OR2V2: variants seen among roughly 807,000 people sequenced by gnomAD.
OR2V2 encodes the protein olfactory receptor family 2 subfamily V member 2, also known as olfactory receptor 2V2.
For missense variants in OR2V2, 392 were observed against 392.2 expected (o/e 1.00, Z 0.00); for synonymous variants, 161 against 151.3 (o/e 1.06, Z -0.47).
intron 1 of OR2V2, 56 bp downstream of exon 1, chr5:181,148,051 C>G (rs539438369): frequency 7.5e-6 from 3 of 399,030 alleles, no homozygotes; most frequent in African/African-American, 4.1e-5. Flanking sequence ...CTCCTGCTCC[C>G]GTTGCTGGTT....
rs1011487216 is a variant in OR2V2 at position 181,158,548 on chromosome 5, G to A, written c.*2658G>A. ...AGGCTGAGGCGGAAGGATTGCTTGA[G>A]CTTAGGAGGCTGAGGCTGCAATGAC... On this transcript the variant is annotated 3_prime_UTR_variant, in exon 2 of 2. Transcript: ENST00000641492. 1.3e-5 allele frequency: 2 copies of A among 152,140 alleles called. No individual in the cohort carries two copies. Among genetic ancestry groups the A allele is most frequent in the African/African-American group, 2.4e-5 (1 of 41,406 alleles). The allele number at this position is 152,140 out of a possible 1,614,324, so 9.4% of individuals were successfully genotyped here.
chr5:181,150,109 T>C (rs1325952130), intron 1 of OR2V2, among the ~76,000 whole-genome samples: 4 of 152,198 alleles, frequency 2.6e-5, no homozygotes, highest in Non-Finnish European at 5.9e-5. Flanking sequence ...AGTTTGCTTC[T>C]ATAGAAAACC....
rs895797712 is a variant in OR2V2, at chr5:181,157,182, T to C, written c.*1292T>C. ...TTTTCATGGAAAAAAAATATCTCCA[T>C]TGAAGGCGGAGAGAAAAGAGGCCAG... On this transcript the variant is annotated 3_prime_UTR_variant, in exon 2 of 2. Coordinates refer to ENST00000641492, the MANE Select transcript of OR2V2 (RefSeq NM_206880.2). 3 of 152,270 alleles carry C rather than the reference T, an allele frequency of 2.0e-5. No homozygotes were observed. Among genetic ancestry groups the C allele is most frequent in the Non-Finnish European group, 4.4e-5 (3 of 68,048 alleles). 9.4% of individuals were successfully genotyped at this position (152,270 alleles called of 1,614,324 possible).
chr5:181,155,563 G>A lies in OR2V2; in HGVS notation c.621G>A (p.Met207Ile). ...TGATATTTGCTTGCTGTGTCTTCAT[G>A]CTTCTCTTCCCATTCTCCATCATCG... The part of the protein sequence containing the change: ...EKVIFACCVF[M>I]LLFPFSIIVA... The change falls in exon 2 of 2, where the codon ATG (methionine) becomes ATA (isoleucine). Residue 207 changes from methionine (M) to isoleucine (I), a missense_variant. Transcript: ENST00000641492. 1 of 1,614,206 alleles carries A rather than the reference G, an allele frequency of 6.2e-7. No homozygotes were observed. The highest frequency in any genetic ancestry group is 8.5e-7 in the Non-Finnish European group (1 of 1,180,034).
intron 1 of OR2V2, among the ~76,000 whole-genome samples, chr5:181,150,372 G>C (rs980465073): frequency 1.3e-5 from 2 of 152,156 alleles, no homozygotes; most frequent in African/African-American, 4.8e-5. Context: ...GCAACTGTCT[G>C]GTATTTGAGC....
Position 181,156,039 on chromosome 5 carries a change from GTTCTTTCT to G in OR2V2, c.*176_*183del, listed in dbSNP as rs59712201. The G allele has an allele frequency of 8.2e-3, 4,044 of 495,262 alleles. 47 individuals carry two copies. The highest frequency in any genetic ancestry group is 0.038 in the African/African-American group (1,853 of 48,790). The allele number at this position is 495,262 out of a possible 1,614,324, so 30.7% of individuals were successfully genotyped here. ...GAAGGTCTTTTTAAACACTACATCA[GTTCTTTCT>G]TTCTTTCTTTCTTTCTTTCTTTCTT... On this transcript the variant is annotated 3_prime_UTR_variant, in exon 2 of 2. Coordinates refer to ENST00000641492, the MANE Select transcript of OR2V2 (RefSeq NM_206880.2).
chr5:181,159,000 G>T lies in OR2V2; in HGVS notation c.*3110G>T, dbSNP rs1273542480. Reference sequence around the variant, plus strand: ...ATTCCTATAATCCCAGCTGATAATGGGGAGGCCAAGGTGGGAGGATCACTT... The same window carrying T: ...ATTCCTATAATCCCAGCTGATAATGTGGAGGCCAAGGTGGGAGGATCACTT... On this transcript the variant is annotated 3_prime_UTR_variant, in exon 2 of 2. Coordinates refer to ENST00000641492, the MANE Select transcript of OR2V2 (RefSeq NM_206880.2). 1.3e-5 allele frequency: 2 copies of T among 152,014 alleles called. No homozygotes were observed. The highest frequency in any genetic ancestry group is 2.9e-5 in the Non-Finnish European group (2 of 67,984). 9.4% of individuals were successfully genotyped at this position (152,014 alleles called of 1,614,324 possible).
intron 1 of OR2V2, among the ~76,000 whole-genome samples, chr5:181,154,439 A>G (rs1329337503): frequency 1.3e-5 from 2 of 152,034 alleles, no homozygotes; most frequent in Non-Finnish European, 2.9e-5. Context: ...AATACAAAAA[A>G]ATTAGCTGGG....
In OR2V2 at chr5:181,155,631, A is replaced by T; in HGVS notation, c.689A>T (p.His230Leu). ...ATTCTAGGGACTGTGCTGCAAATGCACTCTGCTCAGGCCTGGAAAAAGGCC... is the reference window on the plus strand; with the variant it reads ...ATTCTAGGGACTGTGCTGCAAATGCTCTCTGCTCAGGCCTGGAAAAAGGCC... ...AHILGTVLQM[H>L]SAQAWKKALA... Residue 230 changes from histidine to leucine, a missense_variant, in exon 2 of 2, where the codon CAC becomes CTC. His to Leu is a moderately conservative substitution (Grantham distance 99). Transcript: ENST00000641492. 6.2e-7 allele frequency: 1 copy of T among 1,613,904 alleles called. No homozygotes were observed. The highest frequency in any genetic ancestry group is 8.5e-7 in the Non-Finnish European group (1 of 1,179,958).
Position 181,155,256 on chromosome 5 carries a change from TTGTC to T in OR2V2, c.320_323del (p.Cys107LeufsTer30), listed in dbSNP as rs140598308. 0.061 allele frequency: 97,673 copies of T among 1,613,970 alleles called. 3,571 individuals carry two copies. Among genetic ancestry groups the T allele is most frequent in the African/African-American group, 0.15 (11,403 of 74,906 alleles). On this transcript the variant is annotated frameshift_variant, in exon 2 of 2. Coordinates refer to ENST00000641492, the MANE Select transcript of OR2V2 (RefSeq NM_206880.2). LOFTEE classifies it low-confidence loss of function (END_TRUNC). ...GGCTGTGGCATACAAATTGGCCTCT[TTGTC>T]TGTCTTGTGGGATCTGAGGGGCTCT...
intron 1 of OR2V2, among the ~76,000 whole-genome samples, chr5:181,149,133 G>A (rs928162510): frequency 2.0e-5 from 3 of 152,212 alleles, no homozygotes. Flanking sequence ...GGACTAGAGA[G>A]GACTTAGGAG....
chr5:181,154,325 C>G (rs964342955), intron 1 of OR2V2, among the ~76,000 whole-genome samples: 2 of 152,148 alleles, frequency 1.3e-5, no homozygotes, highest in African/African-American at 4.8e-5. Context: ...CGCGGTGGCT[C>G]ACACCTGTAA....
rs764124851 is a variant in OR2V2 at position 181,155,675 on chromosome 5, CA to C, written c.734del (p.His245ProfsTer2). The stretch of plus-strand genomic sequence containing the variant: ...AAAGGCCCTGGCCACCTGCTCCTCC[CA>C]CCTGACAGCTGTCACCCTCTTCTAT... ...WKKALATCSS[H>X]LTAVTLFYGA... On this transcript the variant is annotated frameshift_variant, in exon 2 of 2. Transcript: ENST00000641492. LOFTEE classifies it low-confidence loss of function (END_TRUNC). 17 of 1,614,124 alleles carry C rather than the reference CA, an allele frequency of 1.1e-5. No individual in the cohort carries two copies. In the South Asian group the frequency reaches 1.6e-4, roughly 16 times the overall value.
At chr5:181,151,383 G>C (rs141030085) in intron 1 of OR2V2, among the ~76,000 whole-genome samples, 1 of 152,292 alleles carries the variant, frequency 6.6e-6, no homozygotes, top group East Asian at 1.9e-4. Context: ...GGCTTAAGTT[G>C]CAGGCGATGC....
At chr5:181,149,158 G>A (rs1763162354) in intron 1 of OR2V2, among the ~76,000 whole-genome samples, 1 of 152,178 alleles carries the variant, frequency 6.6e-6, no homozygotes, top group South Asian at 2.1e-4. Context: ...GTCCACTTGG[G>A]GATCAATGCC....
At chr5:181,152,601 G>T (rs745318156) in intron 1 of OR2V2, among the ~76,000 whole-genome samples, 1 of 152,194 alleles carries the variant, frequency 6.6e-6, no homozygotes. Context: ...TTGCATTTCC[G>T]GACATGCTGA....
intron 1 of OR2V2, among the ~76,000 whole-genome samples, chr5:181,152,789 A>G (rs763720542): frequency 5.3e-5 from 8 of 152,222 alleles, no homozygotes; most frequent in Non-Finnish European, 1.0e-4. Context: ...CCACGTGGTG[A>G]GGCACCTGCG....
Position 181,155,895 on chromosome 5 carries a change from A to AG in OR2V2, c.*8dup. 6.2e-7 allele frequency: 1 copy of AG among 1,605,032 alleles called. No individual in the cohort carries two copies. The highest frequency in any genetic ancestry group is 8.5e-7 in the Non-Finnish European group (1 of 1,173,068). On this transcript the variant is annotated 3_prime_UTR_variant, in exon 2 of 2. Transcript: ENST00000641492. Reference sequence around the variant, plus strand: ...AGGATCGGCAGCCAGCACTGAACCCAGGGCATCCAGTGCCTGGCTCTGCCA... The same window carrying AG: ...AGGATCGGCAGCCAGCACTGAACCCAGGGGCATCCAGTGCCTGGCTCTGCCA...
intron 1 of OR2V2, among the ~76,000 whole-genome samples, chr5:181,148,962 C>A (rs2113343836): frequency 6.6e-6 from 1 of 152,342 alleles, no homozygotes; most frequent in South Asian, 2.1e-4. Flanking sequence ...GGCCAGGGAT[C>A]CAGGAGTCCA....
Sources: gnomAD v4.1 joint callset for allele counts (sites outside exome capture counted in the v4.1 genomes callset) on GRCh38, gnomAD v4.1.1 for gene constraint, MANE v1.5 for transcripts, NCBI Gene and HGNC (gene_info 2026-07-23, HGNC 2026-07-21) for gene names.